The following FRMD4A variants were observed in gnomAD, a reference collection of about 807,000 sequenced individuals.
The protein encoded by FRMD4A is FERM domain containing 4A, also known as FERM domain-containing protein 4A.
Under a neutral mutation model 129.1 loss-of-function variants are expected in FRMD4A, and 29 were observed. That is an observed-to-expected ratio of 0.22 (90% CI 0.17 to 0.31). FRMD4A has a LOEUF of 0.31. FRMD4A is among the 10% of genes least tolerant of loss of function. FRMD4A has a pLI of 1.00. For missense variants in FRMD4A, 1,272 were observed against 1,375.8 expected, an observed-to-expected ratio of 0.92 and a Z score of 1.19; for synonymous variants, 634 against 571.6, an observed-to-expected ratio of 1.11 and a Z score of -1.56.
At chr10:14,147,209 G>C (rs1051087269) in intron 2 of FRMD4A, among the ~76,000 whole-genome samples, 5 of 152,164 alleles carry the variant, frequency 3.3e-5, no homozygotes, top group African/African-American at 9.7e-5. Flanking sequence ...GATCAGGTGA[G>C]AGTCTAAAGG....
chr10:14,278,782 C>T (rs540583874), intron 2 of FRMD4A, among the ~76,000 whole-genome samples: 57 of 152,272 alleles, frequency 3.7e-4, no homozygotes, highest in South Asian at 3.7e-3. Flanking sequence ...ATGAAGCCAT[C>T]GATTTCTTCC....
intron 2 of FRMD4A, chr10:14,326,470 T>C (rs1327126879): frequency 6.1e-6 from 1 of 163,070 alleles, no homozygotes; most frequent in African/African-American, 2.4e-5. Context: ...TCAGATTTTT[T>C]TTGGTCTTAA....
intron 2 of FRMD4A, among the ~76,000 whole-genome samples, chr10:14,140,777 A>C (rs1265791694): frequency 6.6e-6 from 1 of 152,152 alleles, no homozygotes. Flanking sequence ...ATATATATAT[A>C]TCTCACACCT....
chr10:13,953,587 C>T (rs1287380453), intron 2 of FRMD4A, among the ~76,000 whole-genome samples: 1 of 152,156 alleles, frequency 6.6e-6, no homozygotes, highest in East Asian at 1.9e-4. Flanking sequence ...CCACTAGTCA[C>T]CTAGTAGCCA....
intron 2 of FRMD4A, among the ~76,000 whole-genome samples, chr10:14,285,814 G>A (rs1434101689): frequency 1.3e-5 from 2 of 152,150 alleles, no homozygotes; most frequent in African/African-American, 4.8e-5. Flanking sequence ...AGGGATCACT[G>A]CCAGCTGACT....
intron 15 of FRMD4A, chr10:13,684,555 AG>A (rs749387822): frequency 1.2e-5 from 12 of 985,584 alleles, no homozygotes; most frequent in Non-Finnish European, 1.4e-5. Context: ...GACACATGGA[AG>A]GACAGCCTCT....
intron 2 of FRMD4A, among the ~76,000 whole-genome samples, chr10:14,191,004 A>G (rs534926970): frequency 6.6e-6 from 1 of 152,344 alleles, no homozygotes; most frequent in African/African-American, 2.4e-5. Context: ...GACCCCAGTC[A>G]GCCATATTGG....
chr10:13,740,176 C>T lies in FRMD4A; in HGVS notation c.672+18G>A, dbSNP rs369305278. 37 of 1,497,950 alleles carry T rather than the reference C, an allele frequency of 2.5e-5. No homozygotes were observed. In the African/African-American group the frequency reaches 3.6e-4, roughly 15 times the overall value. 92.8% of individuals were successfully genotyped at this position (1,497,950 alleles called of 1,614,324 possible). A position where few individuals can be genotyped will look rare whatever the true frequency, so the allele number is the denominator to read the frequency against. ...CTTAGGGGAGGTTTGGTAACCTTCA[C>T]CAAATGAGTCTACTCACCTTCACTG... On this transcript the variant is annotated intron_variant, in intron 11 of 24. Coordinates refer to ENST00000357447, the MANE Select transcript of FRMD4A (RefSeq NM_018027.5).
In FRMD4A at chr10:13,813,170, C is replaced by G. The variant is rs534194233; in HGVS notation, c.112-2262G>C. Among the ~76,000 whole-genome samples the G allele has an allele frequency of 2.8e-4, 42 of 152,324 alleles. No homozygotes were observed. In the South Asian group the frequency reaches 8.3e-3, roughly 30 times the overall value. On this transcript the variant is annotated intron_variant, in intron 3 of 24. Coordinates refer to ENST00000357447, the MANE Select transcript of FRMD4A (RefSeq NM_018027.5). Reference sequence around the variant, plus strand: ...TTTAAATTGCAAGGTAGTGGCCGGGCGCCATGGCTCACGCCTGTAATCCCA... The same window carrying G: ...TTTAAATTGCAAGGTAGTGGCCGGGGGCCATGGCTCACGCCTGTAATCCCA...
intron 2 of FRMD4A, among the ~76,000 whole-genome samples, chr10:14,055,455 ACACACAAAC>A (rs1834470466): frequency 3.5e-4 from 5 of 14,216 alleles, no homozygotes; most frequent in African/African-American, 7.3e-4. Flanking sequence ...ACACACACAC[ACACACAAAC>A]ACACACACAC....
rs1429240274 is a variant in FRMD4A at position 13,821,201 on chromosome 10, A to C, written c.112-10293T>G. Among the ~76,000 whole-genome samples, 1 of 149,954 alleles carries C rather than the reference A, an allele frequency of 6.7e-6. No individual in the cohort carries two copies. Among genetic ancestry groups the C allele is most frequent in the African/African-American group, 2.5e-5 (1 of 40,548 alleles). ...GTGTGGCCAGCAGGTCTGGGCGGCG[A>C]CTCCCCTCCTTGTCGCCCTGCTGCT... On this transcript the variant is annotated intron_variant, in intron 3 of 24. Transcript: ENST00000357447. This position sits in a 1 kb window ranked among gnomAD's most constrained non-coding sequence, Gnocchi z 4.3.
chr10:14,135,411 A>G (rs1210811172), intron 2 of FRMD4A, among the ~76,000 whole-genome samples: 1 of 152,372 alleles, frequency 6.6e-6, no homozygotes, highest in Admixed American at 6.5e-5. Context: ...AGCTGTTTCC[A>G]TACCTTACTG....
At chr10:13,919,311 A>G (rs1443814711) in intron 2 of FRMD4A, among the ~76,000 whole-genome samples, 5 of 152,204 alleles carry the variant, frequency 3.3e-5, no homozygotes. Context: ...TCATCATGGT[A>G]CTAATGAGTT....
intron 2 of FRMD4A, among the ~76,000 whole-genome samples, chr10:14,067,087 G>A (rs1228763065): frequency 6.6e-6 from 1 of 152,112 alleles, no homozygotes; most frequent in Non-Finnish European, 1.5e-5. Flanking sequence ...GGAGGCCGAG[G>A]TGGGTGGATC....
chr10:14,300,783 G>A (rs1846157463), intron 2 of FRMD4A, among the ~76,000 whole-genome samples: 1 of 152,212 alleles, frequency 6.6e-6, no homozygotes, highest in Non-Finnish European at 1.5e-5. Flanking sequence ...AGGCCAGAAT[G>A]TTAGGTCGGA....
At chr10:14,315,730 C>A (rs1251662644) in intron 2 of FRMD4A, among the ~76,000 whole-genome samples, 1 of 152,178 alleles carries the variant, frequency 6.6e-6, no homozygotes, top group East Asian at 1.9e-4. Context: ...TATCATGCAA[C>A]CATATGATCC....
intron 2 of FRMD4A, chr10:13,871,137 C>T (rs539928982): frequency 6.1e-6 from 1 of 164,796 alleles, no homozygotes; most frequent in Non-Finnish European, 1.5e-5. Context: ...TGGGTTCGCC[C>T]TGATGACAGA....
At chr10:14,305,067 G>T (rs1036226286) in intron 2 of FRMD4A, among the ~76,000 whole-genome samples, 7 of 152,186 alleles carry the variant, frequency 4.6e-5, no homozygotes, top group Admixed American at 1.3e-4. Flanking sequence ...TTACCTTAGG[G>T]TCCGCTTCTG....
intron 2 of FRMD4A, among the ~76,000 whole-genome samples, chr10:14,252,490 T>G (rs528465513): frequency 6.6e-6 from 1 of 152,234 alleles, no homozygotes; most frequent in African/African-American, 2.4e-5. Flanking sequence ...CTGAAGAGCA[T>G]AGGCCAAGCA....
Sources: gnomAD v4.1 joint callset for allele counts (sites outside exome capture counted in the v4.1 genomes callset) on GRCh38, gnomAD v4.1.1 for gene constraint, Gnocchi (gnomAD v3.1) non-coding constraint, MANE v1.5 for transcripts, NCBI Gene and HGNC (gene_info 2026-07-23, HGNC 2026-07-21) for gene names.